The following GNG8 variants were observed in gnomAD, a reference collection of about 807,000 sequenced individuals.
The protein encoded by GNG8 is guanine nucleotide-binding protein G(I)/G(S)/G(O) subunit gamma-8.
GNG8 carries 3 observed loss-of-function variants against 4.6 expected under a neutral mutation model. The ratio of observed to expected loss-of-function variants is 0.65; its 90% confidence interval spans 0.29 to 1.67. The LOEUF is 1.67. GNG8 is among the 40% of genes most tolerant of loss of function. The pLI is 0.10. For synonymous variants in GNG8, 32 were observed against 40.5 expected, an observed-to-expected ratio of 0.79 and a Z score of 0.80; for missense variants, 88 against 95.2, an observed-to-expected ratio of 0.92 and a Z score of 0.32.
chr19:46,634,641 C>A lies in GNG8; in HGVS notation c.42G>T (p.Thr14=), dbSNP rs1416464484. 6.2e-7 allele frequency: 1 copy of A among 1,613,178 alleles called. No homozygotes were observed. The highest frequency in any genetic ancestry group is 8.5e-7 in the Non-Finnish European group (1 of 1,179,888). ...TCACCTCCAGCTTCAGCTGTTCCAC[C>A]GTCTTGCGGGCCTCGGCAATCTTGG... ...NMAKIAEARK[T]VEQLKLEVNI... Residue 14 remains threonine (T), a synonymous_variant, in exon 2 of 3, where the codon ACG becomes ACT. Transcript: ENST00000693335.
upstream of GNG8, chr19:46,638,950 T>TA (rs1435993739): frequency 6.6e-6 from 1 of 152,632 alleles, no homozygotes. The surrounding 1 kb of genome is among the most constrained non-coding windows in gnomAD (Gnocchi z 4.7). Flanking sequence ...CAGGGGGCTA[T>TA]AGGGACACAG....
At position 46,634,012 on chromosome 19, in the gene GNG8, C is replaced by G; in HGVS notation, c.*64G>C. 6.4e-7 allele frequency: 1 copy of G among 1,551,548 alleles called. No homozygotes were observed. The highest frequency in any genetic ancestry group is 1.2e-5 in the South Asian group (1 of 82,908). On this transcript the variant is annotated 3_prime_UTR_variant, in exon 3 of 3. Transcript: ENST00000693335. ...TCAGTCTCCCTGAAAGCACAGGCAC[C>G]ACCACAGTTACCAAGTTTATTGGAT...
chr19:46,634,549 C>G, intron 2 of GNG8, 50 bp downstream of exon 2: 1 of 1,526,528 alleles, frequency 6.6e-7, no homozygotes, highest in South Asian at 1.1e-5. Context: ...CAGCCCCGGA[C>G]AGACCGCAGG....
At chr19:46,636,391 T>C (rs1176941218), upstream of GNG8, among the ~76,000 whole-genome samples, 1 of 152,170 alleles carries the variant, frequency 6.6e-6, no homozygotes, top group Non-Finnish European at 1.5e-5. Context: ...TGTGTGACTC[T>C]CTCTGTGCCT....
rs769289600 is a variant in GNG8, at chr19:46,634,169, G to A, written c.120C>T (p.Cys40=). Reference sequence around the variant, plus strand: ...GCGGGTCATCTTTGGCATGCGTCTCGCAGAAAGCCAGGAGTTCCGCTGCTG... The same window carrying A: ...GCGGGTCATCTTTGGCATGCGTCTCACAGAAAGCCAGGAGTTCCGCTGCTG... ...SQAAAELLAF[C]ETHAKDDPLV... is the part of the protein sequence containing the mutation. The change falls in exon 3 of 3, where the codon TGC becomes TGT. Residue 40 remains cysteine, a synonymous_variant. Transcript: ENST00000693335. The A allele has an allele frequency of 2.5e-6, 4 of 1,613,166 alleles. No homozygotes were observed. The African/African-American group carries it at 4.0e-5, about 16-fold the overall frequency.
chr19:46,638,217 C>T (rs1461726793), upstream of GNG8: 2 of 152,842 alleles, frequency 1.3e-5, no homozygotes, highest in African/African-American at 4.8e-5. This position sits in a 1 kb window ranked among gnomAD's most constrained non-coding sequence, Gnocchi z 4.7. Flanking sequence ...CCCGATCACA[C>T]ATAACCTTTC....
chr19:46,638,019 A>G (rs1237441524), upstream of GNG8: 3 of 152,716 alleles, frequency 2.0e-5, no homozygotes, highest in Non-Finnish European at 2.9e-5. The surrounding 1 kb of genome is among the most constrained non-coding windows in gnomAD (Gnocchi z 4.7). Flanking sequence ...CTCAGTGTAC[A>G]TCAGTCATCA....
At chr19:46,634,759 G>C in intron 1 of GNG8, 34 bp from the exon 2 acceptor site, 1 of 1,202,942 alleles carries the variant, frequency 8.3e-7, no homozygotes, top group Non-Finnish European at 1.2e-6. Flanking sequence ...TCTGGGTCCC[G>C]AGGTGGGGGC....
intron 1 of GNG8, 81 bp from the exon 2 acceptor site, chr19:46,634,806 A>T: frequency 1.4e-6 from 1 of 704,754 alleles, no homozygotes; most frequent in East Asian, 2.7e-5. Context: ...CGAGGGTGGA[A>T]GGGCGCGTGA....
chr19:46,634,262 T>C (rs2052847941), intron 2 of GNG8, 58 bp from the exon 3 acceptor site: 1 of 1,539,950 alleles, frequency 6.5e-7, no homozygotes, highest in Admixed American at 2.0e-5. Flanking sequence ...AGCCGCCCAC[T>C]TAGGCCCCGC....
chr19:46,636,001 C>CAACCT (rs1181173518), intron 1 of GNG8, among the ~76,000 whole-genome samples, 146 bp downstream of exon 1: 1 of 151,920 alleles, frequency 6.6e-6, no homozygotes, highest in Non-Finnish European at 1.5e-5. Flanking sequence ...GAGAGAGGAA[C>CAACCT]AAGGCGAGAG....
chr19:46,638,509 A>C (rs1271870372), upstream of GNG8: 2 of 152,956 alleles, frequency 1.3e-5, no homozygotes, highest in Non-Finnish European at 2.9e-5. This position sits in a 1 kb window ranked among gnomAD's most constrained non-coding sequence, Gnocchi z 4.7. Context: ...ACACCATCTC[A>C]CAGCAGTACA....
At chr19:46,637,657 C>G (rs1033760928), upstream of GNG8, 2 of 152,404 alleles carry the variant, frequency 1.3e-5, no homozygotes, top group Non-Finnish European at 2.9e-5. Flanking sequence ...GATCTTAGCT[C>G]ACTGCAGCCT....
Position 46,634,460 on chromosome 19 carries a change from T to G in GNG8, c.84+139A>C, listed in dbSNP as rs1298662497. ...CTGCCCCTCCCCTCGTCCTGGCCCC[T>G]CCTCCTGCCCTGCCCCGCCCCTTGC... On this transcript the variant is annotated intron_variant, in intron 2 of 2. Coordinates refer to ENST00000693335, the MANE Select transcript of GNG8 (RefSeq NM_033258.2). 1.6e-5 allele frequency: 5 copies of G among 307,634 alleles called. No individual in the cohort carries two copies. In the African/African-American group the frequency reaches 1.7e-4, roughly 11 times the overall value. The allele number at this position is 307,634 out of a possible 1,614,324, so 19.1% of individuals were successfully genotyped here.
chr19:46,636,877 C>G (rs528581378), upstream of GNG8: 4 of 151,538 alleles, frequency 2.6e-5, no homozygotes, highest in Non-Finnish European at 4.4e-5. Context: ...CTGCAACCTC[C>G]GCCTCCTGGG....
At chr19:46,634,477 G>T in intron 2 of GNG8, 122 bp downstream of exon 2, 2 of 424,950 alleles carry the variant, frequency 4.7e-6, no homozygotes, top group South Asian at 2.6e-5. Context: ...GCCCTGCCCC[G>T]CCCCTTGCCC....
intron 2 of GNG8, 74 bp from the exon 3 acceptor site, chr19:46,634,278 G>A: frequency 6.7e-7 from 1 of 1,494,180 alleles, no homozygotes; most frequent in Non-Finnish European, 9.0e-7. Context: ...CCCGCCTCTT[G>A]CCCTGTCCCC....
chr19:46,634,748 G>T, intron 1 of GNG8, 23 bp from the exon 2 acceptor site: 1 of 1,354,510 alleles, frequency 7.4e-7, no homozygotes, highest in Non-Finnish European at 1.0e-6. Context: ...GTTAGGATAC[G>T]TCTGGGTCCC....
In GNG8 at chr19:46,634,072, G is replaced by C; in HGVS notation, c.*4C>G. On this transcript the variant is annotated 3_prime_UTR_variant, in exon 3 of 3. Coordinates refer to ENST00000693335, the MANE Select transcript of GNG8 (RefSeq NM_033258.2). ...GGCAGGGGAGGGTAAGCTGTCCGGAGGGCTCAGAGCAGAACACAAAAGAGG... is the reference window on the plus strand; with the variant it reads ...GGCAGGGGAGGGTAAGCTGTCCGGACGGCTCAGAGCAGAACACAAAAGAGG... 1 of 1,609,902 alleles carries C rather than the reference G, an allele frequency of 6.2e-7. No homozygotes were observed. The highest frequency in any genetic ancestry group is 1.1e-5 in the South Asian group (1 of 90,848).
Sources: gnomAD v4.1 joint callset for allele counts (sites outside exome capture counted in the v4.1 genomes callset) on GRCh38, gnomAD v4.1.1 for gene constraint, Gnocchi (gnomAD v3.1) non-coding constraint, MANE v1.5 for transcripts, NCBI Gene and HGNC (gene_info 2026-07-23, HGNC 2026-07-21) for gene names.